TEC: variants seen among roughly 807,000 people sequenced by gnomAD.
TEC encodes the protein tyrosine-protein kinase Tec.
Under a neutral mutation model 93.0 loss-of-function variants are expected in TEC, and 72 were observed. That is an observed-to-expected ratio of 0.77 (90% CI 0.64 to 0.94). TEC has a LOEUF of 0.94. Among genes scored for constraint, TEC ranks in the 40% least tolerant of loss-of-function variants. The probability of loss-of-function intolerance (pLI) is 0.00; values close to 1 mark genes in which losing one functional copy is unlikely to be tolerated. For synonymous variants in TEC, 249 were observed against 247.7 expected, an observed-to-expected ratio of 1.01 and a Z score of -0.05; for missense variants, 630 against 757.9, an observed-to-expected ratio of 0.83 and a Z score of 1.98.
At position 48,153,485 on chromosome 4, in the gene TEC, A is replaced by G. The variant is rs561440579; in HGVS notation, c.793-2543T>C. 3.3e-5 allele frequency: 5 copies of G among 152,350 alleles called. No individual in the cohort carries two copies. In the East Asian group the frequency reaches 9.6e-4, roughly 29 times the overall value. 9.4% of individuals were successfully genotyped at this position (152,350 alleles called of 1,614,324 possible). ...CTACTAATTGATGACAACCAGTTAC[A>G]GATTTCTTTTTTCCTTCTCTACTCC... On this transcript the variant is annotated intron_variant, in intron 9 of 17. Coordinates refer to ENST00000381501, the MANE Select transcript of TEC (RefSeq NM_003215.3).
chr4:48,175,303 C>T (rs1052541133), intron 3 of TEC, among the ~76,000 whole-genome samples: 1 of 152,138 alleles, frequency 6.6e-6, no homozygotes, highest in Non-Finnish European at 1.5e-5. Context: ...GCAAAAATTC[C>T]ACCACATTGA....
At chr4:48,183,225 C>T (rs1020979949) in intron 2 of TEC, among the ~76,000 whole-genome samples, 6 of 152,180 alleles carry the variant, frequency 3.9e-5, no homozygotes, top group African/African-American at 2.4e-5. Context: ...TTCCTTTCTC[C>T]GTAGAAATAG....
At chr4:48,143,407 T>C (rs958666475) in intron 14 of TEC, among the ~76,000 whole-genome samples, 1 of 152,346 alleles carries the variant, frequency 6.6e-6, no homozygotes, top group Admixed American at 6.5e-5. Flanking sequence ...ATCTATTTTG[T>C]TCTTAGTTCT....
intron 1 of TEC, among the ~76,000 whole-genome samples, chr4:48,238,455 G>T (rs1007194458): frequency 6.6e-6 from 1 of 152,058 alleles, no homozygotes; most frequent in African/African-American, 2.4e-5. Context: ...GAGGATAAGA[G>T]AAGTCCTCTT....
At chr4:48,269,645 G>A (rs1364239332) in intron 1 of TEC, 107 bp downstream of exon 1, 2 of 152,304 alleles carry the variant, frequency 1.3e-5, no homozygotes, top group Non-Finnish European at 2.9e-5. Context: ...CGTTCCTCGA[G>A]GGGCGTGTGG....
chr4:48,210,092 G>A (rs1208171184), intron 2 of TEC, among the ~76,000 whole-genome samples: 1 of 152,060 alleles, frequency 6.6e-6, no homozygotes, highest in Admixed American at 6.5e-5. Context: ...AAAAGCTCTG[G>A]GGCCCTTCCA....
At chr4:48,259,417 T>G (rs1410637981) in intron 1 of TEC, among the ~76,000 whole-genome samples, 1 of 151,900 alleles carries the variant, frequency 6.6e-6, no homozygotes, top group Non-Finnish European at 1.5e-5. Context: ...CCATGATATC[T>G]AGAAAGATGA....
chr4:48,174,921 C>T (rs1017915602), intron 3 of TEC, among the ~76,000 whole-genome samples: 2 of 152,062 alleles, frequency 1.3e-5, no homozygotes, highest in African/African-American at 4.8e-5. Context: ...CACAACAACC[C>T]CATGAAATGA....
chr4:48,261,464 A>C (rs1214123578), intron 1 of TEC, among the ~76,000 whole-genome samples: 2 of 152,246 alleles, frequency 1.3e-5, no homozygotes, highest in Non-Finnish European at 2.9e-5. Context: ...TAAGAAAAAA[A>C]GCCAGTTTCA....
intron 1 of TEC, among the ~76,000 whole-genome samples, chr4:48,238,626 T>C (rs909341858): frequency 6.6e-6 from 1 of 151,792 alleles, no homozygotes; most frequent in Admixed American, 6.6e-5. Context: ...GGAATAGTTG[T>C]TTCTTATTGT....
intron 2 of TEC, among the ~76,000 whole-genome samples, chr4:48,216,951 C>A (rs1723101338): frequency 6.6e-6 from 1 of 152,168 alleles, no homozygotes; most frequent in Non-Finnish European, 1.5e-5. Context: ...TCTTAAGTTG[C>A]AGGAGGACCA....
chr4:48,156,647 C>T, intron 9 of TEC, 33 bp downstream of exon 9: 14 of 1,591,366 alleles, frequency 8.8e-6, no homozygotes, highest in Non-Finnish European at 1.2e-5. Context: ...ATTAATTTGC[C>T]CTTAAGCCAA....
chr4:48,186,674 C>A (rs7674657), intron 2 of TEC, among the ~76,000 whole-genome samples: 11 of 146,894 alleles, frequency 7.5e-5, no homozygotes, highest in African/African-American at 2.5e-4. Flanking sequence ...TCCCCGTCTG[C>A]GAAGTGAGGA....
rs1275869349 is a variant in TEC at position 48,224,922 on chromosome 4, A to G, written c.138+3555T>C. 2.9e-4 allele frequency among the ~76,000 whole-genome samples: 44 copies of G among 152,194 alleles called. 1 individual carries two copies. Among genetic ancestry groups the G allele is most frequent in the Non-Finnish European group, 1.3e-4 (9 of 68,026 alleles). On this transcript the variant is annotated intron_variant, in intron 2 of 17. Coordinates refer to ENST00000381501, the MANE Select transcript of TEC (RefSeq NM_003215.3). Reference sequence around the variant, plus strand: ...TGAACTGAGAGTTTTAACGAGTATTAGTGGCACTTGGTAGCCACAAAGAAA... The same window carrying G: ...TGAACTGAGAGTTTTAACGAGTATTGGTGGCACTTGGTAGCCACAAAGAAA...
At chr4:48,267,849 A>G (rs7688059) in intron 1 of TEC, among the ~76,000 whole-genome samples, 106,500 of 152,062 alleles carry the variant, frequency 0.7, 40,480 homozygotes, top group Non-Finnish European at 0.86. Flanking sequence ...GGTGGAAGCT[A>G]AGGAGCTGGA....
At chr4:48,208,243 T>C (rs1384133464) in intron 2 of TEC, among the ~76,000 whole-genome samples, 1 of 152,162 alleles carries the variant, frequency 6.6e-6, no homozygotes, top group Admixed American at 6.5e-5. Context: ...GGGATTCTGG[T>C]GATCACAGTC....
chr4:48,158,512 T>C (rs924867215), intron 8 of TEC, among the ~76,000 whole-genome samples: 1 of 152,166 alleles, frequency 6.6e-6, no homozygotes, highest in East Asian at 1.9e-4. Context: ...AAGAAACATT[T>C]GTCAAGTGCC....
intron 1 of TEC, among the ~76,000 whole-genome samples, chr4:48,237,716 T>G (rs1723824012): frequency 2.0e-5 from 3 of 152,236 alleles, no homozygotes. Context: ...AATTTAATAC[T>G]TGGTGATGTC....
intron 1 of TEC, among the ~76,000 whole-genome samples, chr4:48,254,074 T>G (rs1314613997): frequency 6.6e-6 from 1 of 152,202 alleles, no homozygotes; most frequent in East Asian, 1.9e-4. Context: ...GTAATCTCTT[T>G]TATGAAGTCT....
Sources: allele counts gnomAD v4.1 joint callset (sites outside exome capture counted in the v4.1 genomes callset), GRCh38; gene constraint gnomAD v4.1.1; transcripts MANE v1.5; gene names NCBI Gene and HGNC (gene_info 2026-07-23, HGNC 2026-07-21).